KHDRBS3: variants seen among roughly 807,000 people sequenced by gnomAD.
The protein encoded by KHDRBS3 is KH domain-containing, RNA-binding, signal transduction-associated protein 3.
A neutral mutation model predicts 45.6 loss-of-function variants in KHDRBS3; 23 were observed. That is an observed-to-expected ratio of 0.50 (90% confidence interval 0.36 to 0.72). The LOEUF is 0.72. KHDRBS3 is among the 30% of genes least tolerant of loss of function. The pLI is 0.00. For missense variants in KHDRBS3, 352 were observed against 424.8 expected (o/e 0.83, Z 1.51); for synonymous variants, 162 against 156.5 (o/e 1.04, Z -0.26).
chr8:135,587,126 C>G (rs935957827), intron 6 of KHDRBS3, among the ~76,000 whole-genome samples: 8 of 152,136 alleles, frequency 5.3e-5, no homozygotes, highest in Admixed American at 2.0e-4. Flanking sequence ...TCAGGTATTT[C>G]CTTGTAAAAT....
At chr8:135,601,015 C>T (rs2131002344) in intron 6 of KHDRBS3, among the ~76,000 whole-genome samples, 1 of 152,272 alleles carries the variant, frequency 6.6e-6, no homozygotes, top group South Asian at 2.1e-4. Context: ...AAAGGAAATT[C>T]CTTAGGTTGC....
intron 1 of KHDRBS3, among the ~76,000 whole-genome samples, chr8:135,505,218 A>G (rs1823930385): frequency 6.6e-6 from 1 of 152,208 alleles, no homozygotes; most frequent in Non-Finnish European, 1.5e-5. Context: ...CAACCCTAAG[A>G]GTTGGAGATG....
At chr8:135,596,512 C>T (rs1258086643) in intron 6 of KHDRBS3, among the ~76,000 whole-genome samples, 11 of 152,070 alleles carry the variant, frequency 7.2e-5, no homozygotes, top group Non-Finnish European at 1.5e-4. Flanking sequence ...TACTAATTCC[C>T]CTATCCTGGA....
chr8:135,493,240 G>C (rs113934063), intron 1 of KHDRBS3, among the ~76,000 whole-genome samples: 1 of 151,702 alleles, frequency 6.6e-6, no homozygotes, highest in Non-Finnish European at 1.5e-5. Context: ...AGACTCCTTC[G>C]GATTTTCTGG....
intron 6 of KHDRBS3, among the ~76,000 whole-genome samples, chr8:135,584,268 G>A (rs914511858): frequency 2.0e-5 from 3 of 152,238 alleles, no homozygotes; most frequent in Non-Finnish European, 2.9e-5. Context: ...ATATCCGCCA[G>A]TGTTGTAATT....
intron 1 of KHDRBS3, among the ~76,000 whole-genome samples, chr8:135,472,407 C>T (rs1822062147): frequency 6.6e-6 from 1 of 152,254 alleles, no homozygotes; most frequent in Admixed American, 6.5e-5. Context: ...GCCTACTAGA[C>T]TCCAGGCCCT....
chr8:135,630,640 A>T (rs1830558041), intron 7 of KHDRBS3, among the ~76,000 whole-genome samples: 1 of 152,208 alleles, frequency 6.6e-6, no homozygotes, highest in South Asian at 2.1e-4. Flanking sequence ...AGGCTAGATG[A>T]TACAGCCTCA....
At chr8:135,509,381 G>T (rs1039260532) in intron 1 of KHDRBS3, among the ~76,000 whole-genome samples, 5 of 152,140 alleles carry the variant, frequency 3.3e-5, no homozygotes, top group Admixed American at 3.3e-4. Context: ...GGTAATTTCT[G>T]TCCCGGCACT....
chr8:135,490,242 G>A (rs1407280185), intron 1 of KHDRBS3, among the ~76,000 whole-genome samples: 1 of 152,154 alleles, frequency 6.6e-6, no homozygotes, highest in Non-Finnish European at 1.5e-5. Flanking sequence ...GACTGTTTAT[G>A]TTACCAGTGT....
intron 5 of KHDRBS3, among the ~76,000 whole-genome samples, chr8:135,558,432 T>C (rs1010987316): frequency 2.0e-5 from 3 of 152,206 alleles, no homozygotes. Context: ...AGATAGAATT[T>C]TGCATGAAGT....
At chr8:135,566,124 G>A (rs894412855) in intron 5 of KHDRBS3, among the ~76,000 whole-genome samples, 1 of 152,156 alleles carries the variant, frequency 6.6e-6, no homozygotes, top group African/African-American at 2.4e-5. Flanking sequence ...CATGATGAAA[G>A]TAGACTACAA....
intron 7 of KHDRBS3, among the ~76,000 whole-genome samples, chr8:135,617,880 T>A (rs1829984026): frequency 6.6e-6 from 1 of 152,216 alleles, no homozygotes; most frequent in South Asian, 2.1e-4. Flanking sequence ...TGTTAAAGGC[T>A]CATTTAATTT....
chr8:135,627,816 T>C (rs1281039640), intron 7 of KHDRBS3, among the ~76,000 whole-genome samples: 1 of 152,192 alleles, frequency 6.6e-6, no homozygotes, highest in Non-Finnish European at 1.5e-5. Context: ...CTGAATTACA[T>C]GGCTTTTTTT....
rs530972959 is a variant in KHDRBS3 at position 135,510,337 on chromosome 8, G to A, written c.89-10900G>A. On this transcript the variant is annotated intron_variant, in intron 1 of 8. Coordinates refer to ENST00000355849, the MANE Select transcript of KHDRBS3 (RefSeq NM_006558.3). ...AGCGTCAGAGCTCAAGTGGTTCAGCGAAGGAGAGTGAGGGCAGAACTTTTA... is the reference window on the plus strand; with the variant it reads ...AGCGTCAGAGCTCAAGTGGTTCAGCAAAGGAGAGTGAGGGCAGAACTTTTA... Among the ~76,000 whole-genome samples the A allele has an allele frequency of 2.8e-3, 429 of 152,302 alleles. 2 individuals are homozygous for A. The highest frequency in any genetic ancestry group is 4.7e-3 in the Non-Finnish European group (320 of 68,042).
At chr8:135,546,614 T>C (rs1369512556) in intron 3 of KHDRBS3, among the ~76,000 whole-genome samples, 2 of 152,212 alleles carry the variant, frequency 1.3e-5, no homozygotes, top group Admixed American at 6.5e-5. Context: ...TGAGCGCTTA[T>C]TATGTGCAAG....
At chr8:135,634,556 G>C (rs1278836298) in intron 7 of KHDRBS3, among the ~76,000 whole-genome samples, 1 of 152,206 alleles carries the variant, frequency 6.6e-6, no homozygotes, top group African/African-American at 2.4e-5. Flanking sequence ...TGAAACTTAA[G>C]TTTGTTTCTC....
rs1830318352 is a variant in KHDRBS3, at chr8:135,625,488, T to A, written c.890+18451T>A. ...TTAGGAGCCACAGCAGTTCTCTGTGTTGAGATGGGCCTCAGGGGAGCTGCA... is the reference window on the plus strand; with the variant it reads ...TTAGGAGCCACAGCAGTTCTCTGTGATGAGATGGGCCTCAGGGGAGCTGCA... On this transcript the variant is annotated intron_variant, in intron 7 of 8. Transcript: ENST00000355849. 3.7e-5 allele frequency: 29 copies of A among 790,468 alleles called. 1 individual carries two copies. The South Asian group carries it at 3.9e-4, about 11-fold the overall frequency. 49.0% of individuals were successfully genotyped at this position (790,468 alleles called of 1,614,324 possible). A position where few individuals can be genotyped will look rare whatever the true frequency, so the allele number is the denominator to read the frequency against.
intron 1 of KHDRBS3, among the ~76,000 whole-genome samples, chr8:135,471,081 A>G (rs1402758406): frequency 1.3e-5 from 2 of 152,206 alleles, no homozygotes; most frequent in East Asian, 1.9e-4. Context: ...GGAGCCCAGC[A>G]TGGAATACTA....
Position 135,519,603 on chromosome 8 carries a change from G to A in KHDRBS3, c.89-1634G>A, listed in dbSNP as rs1261068933. ...GATCCTAAGGTTTTAGAACCAAATC[G>A]TTGGATATTCTAGTTCCCTTTTCTC... On this transcript the variant is annotated intron_variant, in intron 1 of 8. Transcript: ENST00000355849. 5.3e-5 allele frequency among the ~76,000 whole-genome samples: 8 copies of A among 152,206 alleles called. No individual in the cohort carries two copies. In the South Asian group the frequency reaches 6.2e-4, roughly 12 times the overall value.
Sources: allele counts gnomAD v4.1 joint callset (sites outside exome capture counted in the v4.1 genomes callset), GRCh38; gene constraint gnomAD v4.1.1; transcripts MANE v1.5; gene names NCBI Gene and HGNC (gene_info 2026-07-23, HGNC 2026-07-21).